Variants in RSPO2 observed in about 807,000 individuals in gnomAD.
RSPO2 encodes the protein R-spondin 2.
RSPO2 carries 14 observed loss-of-function variants against 30.9 expected under a neutral mutation model. The observed-to-expected ratio is 0.45, with a 90% CI of 0.30 to 0.71. The LOEUF (loss-of-function observed/expected upper bound fraction) is 0.71. Among genes scored for constraint, RSPO2 ranks in the 30% least tolerant of loss-of-function variants. The pLI, the probability that RSPO2 is intolerant of heterozygous loss-of-function variation, is 0.08. For missense variants in RSPO2, 264 were observed against 301.9 expected, an observed-to-expected ratio of 0.87 and a Z score of 0.93; for synonymous variants, 107 against 96.4, an observed-to-expected ratio of 1.11 and a Z score of -0.64.
At chr8:107,954,288 G>A (rs565753269) in intron 5 of RSPO2, among the ~76,000 whole-genome samples, 1 of 152,096 alleles carries the variant, frequency 6.6e-6, no homozygotes, top group Non-Finnish European at 1.5e-5. Context: ...TCACAAATTT[G>A]TTCTTCCATG....
chr8:107,910,249 G>C (rs1811780315), intron 5 of RSPO2, among the ~76,000 whole-genome samples: 2 of 152,136 alleles, frequency 1.3e-5, no homozygotes, highest in Admixed American at 1.3e-4. Context: ...ACAAAAAGTA[G>C]TAGCCCAAGA....
intron 2 of RSPO2, among the ~76,000 whole-genome samples, chr8:108,020,965 A>T (rs1586634122): frequency 6.6e-6 from 1 of 152,232 alleles, no homozygotes; most frequent in Admixed American, 6.5e-5. Flanking sequence ...TCAAATATAG[A>T]CATTTGCTAC....
At chr8:108,009,615 A>G (rs1053544964) in intron 2 of RSPO2, among the ~76,000 whole-genome samples, 1 of 152,232 alleles carries the variant, frequency 6.6e-6, no homozygotes, top group African/African-American at 2.4e-5. Context: ...TTCTTCATTC[A>G]AATGCTCAAG....
chr8:107,988,083 T>C (rs2130521768), intron 3 of RSPO2, among the ~76,000 whole-genome samples: 1 of 152,260 alleles, frequency 6.6e-6, no homozygotes, highest in African/African-American at 2.4e-5. Flanking sequence ...ATCTATTTTT[T>C]TAAACCACAA....
chr8:108,062,332 C>T (rs1248842935), intron 2 of RSPO2, among the ~76,000 whole-genome samples: 2 of 151,726 alleles, frequency 1.3e-5, no homozygotes, highest in East Asian at 3.9e-4. Flanking sequence ...CAAATAGATG[C>T]AATAAAATAT....
intron 2 of RSPO2, among the ~76,000 whole-genome samples, chr8:108,028,549 G>A (rs1229424223): frequency 1.3e-5 from 2 of 152,108 alleles, no homozygotes; most frequent in African/African-American, 4.8e-5. Flanking sequence ...AGAGTTCTCT[G>A]TGTGGGAACT....
chr8:107,984,905 G>GCC (rs1814573081), intron 3 of RSPO2, among the ~76,000 whole-genome samples: 1 of 152,146 alleles, frequency 6.6e-6, no homozygotes, highest in African/African-American at 2.4e-5. Context: ...CTTGACATCA[G>GCC]TGGGAGTTAA....
At chr8:108,014,908 G>A (rs1810833781) in intron 2 of RSPO2, among the ~76,000 whole-genome samples, 1 of 151,520 alleles carries the variant, frequency 6.6e-6, no homozygotes, top group Non-Finnish European at 1.5e-5. Context: ...GGAGCATTCG[G>A]GGGGAAAAAA....
At position 107,958,210 on chromosome 8, in the gene RSPO2, T is replaced by C; in HGVS notation, c.486A>G (p.Thr162=). 3 of 1,613,856 alleles carry C rather than the reference T, an allele frequency of 1.9e-6. No homozygotes were observed. The highest frequency in any genetic ancestry group is 1.3e-5 in the African/African-American group (1 of 75,000). Residue 162 remains threonine (T), a synonymous_variant, in exon 5 of 6, where the codon ACA becomes ACG. Transcript: ENST00000276659. ...EWGTCSRNNR[T]CGFKWGLETR... is the part of the protein sequence containing the mutation. The stretch of plus-strand genomic sequence containing the variant: ...TTTCCAGACCCCATTTAAATCCACA[T>C]GTGCGATTATTTCTGCTACAAGTTC...
intron 2 of RSPO2, among the ~76,000 whole-genome samples, chr8:108,027,346 C>A (rs747212355): frequency 3.9e-5 from 6 of 152,204 alleles, no homozygotes; most frequent in Non-Finnish European, 8.8e-5. Context: ...ACATCTGGTT[C>A]ATTCCGTCTC....
intron 2 of RSPO2, among the ~76,000 whole-genome samples, chr8:108,069,207 ACAC>A: frequency 7.7e-6 from 1 of 130,430 alleles, no homozygotes; most frequent in South Asian, 2.1e-4. Context: ...GTGAACACAC[ACAC>A]ACACACACAC....
chr8:108,023,563 T>C (rs566974033), intron 2 of RSPO2, among the ~76,000 whole-genome samples: 1 of 152,188 alleles, frequency 6.6e-6, no homozygotes. Context: ...AAAATTAAGA[T>C]TGGCTTCCTC....
chr8:108,080,964 G>C (rs1813174739), intron 2 of RSPO2, among the ~76,000 whole-genome samples: 8 of 152,156 alleles, frequency 5.3e-5, no homozygotes, highest in Admixed American at 5.2e-4. Flanking sequence ...GAATCAGGAG[G>C]GGAGGAGAGA....
chr8:108,044,851 G>C (rs964356563), intron 2 of RSPO2, among the ~76,000 whole-genome samples: 4 of 152,090 alleles, frequency 2.6e-5, no homozygotes, highest in Admixed American at 2.0e-4. Context: ...CTAAATAAAT[G>C]ATGCTGGATA....
chr8:107,912,148 A>T (rs886888276), intron 5 of RSPO2, among the ~76,000 whole-genome samples: 1 of 152,190 alleles, frequency 6.6e-6, no homozygotes, highest in African/African-American at 2.4e-5. Context: ...CTTATTTTTC[A>T]GCTGAGTCAG....
intron 5 of RSPO2, among the ~76,000 whole-genome samples, chr8:107,911,594 C>T (rs1811829866): frequency 6.6e-6 from 1 of 152,148 alleles, no homozygotes; most frequent in Non-Finnish European, 1.5e-5. Flanking sequence ...ATACCTGGCA[C>T]ACAAACACTA....
At chr8:108,021,765 TGTCGGGGGCAGGG>T (rs1276696575) in intron 2 of RSPO2, among the ~76,000 whole-genome samples, 1 of 149,838 alleles carries the variant, frequency 6.7e-6, no homozygotes, top group Non-Finnish European at 1.5e-5. Flanking sequence ...CACCGGGGCC[TGTCGGGGGCAGGG>T]GTTGGGGACA....
At chr8:107,902,323 C>T (rs1586523921) in intron 5 of RSPO2, among the ~76,000 whole-genome samples, 2 of 152,090 alleles carry the variant, frequency 1.3e-5, no homozygotes, top group South Asian at 2.1e-4. Context: ...TTCTATAAAG[C>T]TTAACTTTTC....
At chr8:107,928,424 A>T (rs571638276) in intron 5 of RSPO2, among the ~76,000 whole-genome samples, 12 of 152,218 alleles carry the variant, frequency 7.9e-5, no homozygotes, top group African/African-American at 2.9e-4. Context: ...TAATCTTGCC[A>T]AAGTATTCCA....
Sources: allele counts gnomAD v4.1 joint callset (sites outside exome capture counted in the v4.1 genomes callset), GRCh38; gene constraint gnomAD v4.1.1; transcripts MANE v1.5; gene names NCBI Gene and HGNC (gene_info 2026-07-23, HGNC 2026-07-21).